Variants in CALN1 observed in about 807,000 individuals in gnomAD.
CALN1 encodes calcium-binding protein 8.
A neutral mutation model predicts 30.6 loss-of-function variants in CALN1; 17 were observed. The ratio of observed to expected loss-of-function variants is 0.56; its 90% CI spans 0.38 to 0.83. The LOEUF is 0.83. Among genes scored for constraint, CALN1 ranks in the 40% least tolerant of loss-of-function variants. The pLI, the probability that CALN1 is intolerant of heterozygous loss-of-function variation, is 0.00. For synonymous variants in CALN1, 156 were observed against 131.4 expected (o/e 1.19, Z -1.28); for missense variants, 291 against 354.9 (o/e 0.82, Z 1.45).
At chr7:72,221,728 A>G (rs1429946242) in intron 3 of CALN1, among the ~76,000 whole-genome samples, 5 of 151,850 alleles carry the variant, frequency 3.3e-5, no homozygotes, top group African/African-American at 9.7e-5. Context: ...AGTCTCTACT[A>G]AAACTACAAA....
intron 2 of CALN1, among the ~76,000 whole-genome samples, 168 bp from the exon 3 acceptor site, chr7:72,278,978 CA>C (rs1283602516): frequency 6.6e-6 from 1 of 152,172 alleles, no homozygotes; most frequent in East Asian, 1.9e-4. Flanking sequence ...ATGACCTGAG[CA>C]ATTTCCAAAG....
chr7:72,180,148 G>A (rs373163904), intron 3 of CALN1, among the ~76,000 whole-genome samples: 4 of 152,192 alleles, frequency 2.6e-5, no homozygotes, highest in Admixed American at 6.5e-5. Context: ...AGCCCACGGG[G>A]TATCATTTAG....
chr7:72,411,427 A>G (rs1807138721), intron 1 of CALN1, among the ~76,000 whole-genome samples: 1 of 152,248 alleles, frequency 6.6e-6, no homozygotes, highest in Non-Finnish European at 1.5e-5. Flanking sequence ...AGCTGTAAAT[A>G]TAACAATTTT....
At chr7:72,110,594 G>A (rs144620431) in intron 3 of CALN1, among the ~76,000 whole-genome samples, 16 of 151,398 alleles carry the variant, frequency 1.1e-4, no homozygotes, top group Admixed American at 5.3e-4. Flanking sequence ...TAGAGAATTC[G>A]TGTGTGTGTC....
At chr7:72,338,330 A>G (rs1271137871) in intron 2 of CALN1, among the ~76,000 whole-genome samples, 3 of 152,192 alleles carry the variant, frequency 2.0e-5, no homozygotes. Flanking sequence ...GAAAAGATAC[A>G]TGTGAAAAAT....
intron 5 of CALN1, among the ~76,000 whole-genome samples, chr7:71,967,081 G>T (rs945213379): frequency 6.6e-6 from 1 of 152,082 alleles, no homozygotes; most frequent in Admixed American, 6.6e-5. Context: ...TTCCAATAAC[G>T]TAGTGGATAA....
chr7:72,228,692 G>C (rs2129550412), intron 3 of CALN1, among the ~76,000 whole-genome samples: 1 of 151,790 alleles, frequency 6.6e-6, no homozygotes, highest in Admixed American at 6.6e-5. Flanking sequence ...TTAATGCAGG[G>C]CCTGGAATAC....
chr7:71,847,243 A>C (rs954928886), intron 5 of CALN1, among the ~76,000 whole-genome samples: 4 of 152,076 alleles, frequency 2.6e-5, no homozygotes, highest in African/African-American at 9.7e-5. Flanking sequence ...TGTAGCTCCC[A>C]TAATTCCCAT....
At chr7:72,281,510 T>C (rs947851088) in intron 2 of CALN1, among the ~76,000 whole-genome samples, 1 of 152,208 alleles carries the variant, frequency 6.6e-6, no homozygotes, top group Non-Finnish European at 1.5e-5. Context: ...TTCATAAACA[T>C]GGGAAGACAC....
chr7:71,978,601 T>G (rs939671952), intron 5 of CALN1, among the ~76,000 whole-genome samples: 1 of 152,220 alleles, frequency 6.6e-6, no homozygotes, highest in African/African-American at 2.4e-5. Flanking sequence ...GCCTTAGCAC[T>G]GAGGGCAGGG....
chr7:71,905,953 G>A (rs1794112890), intron 5 of CALN1, among the ~76,000 whole-genome samples: 1 of 152,112 alleles, frequency 6.6e-6, no homozygotes, highest in Admixed American at 6.5e-5. Context: ...ATGGTGGCAG[G>A]AGAGAGAAGA....
intron 3 of CALN1, among the ~76,000 whole-genome samples, chr7:72,116,685 T>C (rs529928644): frequency 5.9e-5 from 9 of 152,280 alleles, no homozygotes; most frequent in Non-Finnish European, 1.2e-4. Context: ...GCTGTTAAGA[T>C]GAGAATCTAG....
At chr7:71,977,176 C>G (rs1798141532) in intron 5 of CALN1, among the ~76,000 whole-genome samples, 1 of 152,152 alleles carries the variant, frequency 6.6e-6, no homozygotes, top group African/African-American at 2.4e-5. Context: ...CACCCTTTTG[C>G]TTGATAACAA....
At chr7:72,337,901 CAG>C (rs1373314114) in intron 2 of CALN1, 2 of 152,406 alleles carry the variant, frequency 1.3e-5, no homozygotes, top group African/African-American at 4.8e-5. Flanking sequence ...TACAAATTCG[CAG>C]ACTGTCTGCA....
At chr7:72,278,603 A>C in intron 3 of CALN1, 83 bp downstream of exon 3, 1 of 1,568,390 alleles carries the variant, frequency 6.4e-7, no homozygotes, top group Non-Finnish European at 8.7e-7. Context: ...GCCAAAGTCC[A>C]GGGCTTTCAA....
At chr7:72,331,997 A>G (rs1801711012) in intron 2 of CALN1, among the ~76,000 whole-genome samples, 1 of 152,194 alleles carries the variant, frequency 6.6e-6, no homozygotes, top group African/African-American at 2.4e-5. Context: ...AATGGCCTCC[A>G]GCTCCATCCA....
chr7:72,016,998 C>CAAAAAAAAAAAAAAAAAAAAAA lies in CALN1; in HGVS notation c.501+6658_501+6659insTTTTTTTTTTTTTTTTTTTTTT, dbSNP rs754201004. ...CAAAACCCCGTGTTTACTAAAAATA[C>CAAAAAAAAAAAAAAAAAAAAAA]AAAAAAAAAAAAAAAAAAAGCTGGG... On this transcript the variant is annotated intron_variant, in intron 5 of 6. Transcript: ENST00000395275. 1.4e-3 allele frequency among the ~76,000 whole-genome samples: 46 copies of CAAAAAAAAAAAAAAAAAAAAAA among 31,944 alleles called. 6 individuals carry two copies. Among genetic ancestry groups the CAAAAAAAAAAAAAAAAAAAAAA allele is most frequent in the African/African-American group, 3.8e-3 (25 of 6,610 alleles). The allele number at this position is 31,944 out of a possible 152,430, so 21.0% of individuals were successfully genotyped here.
intron 3 of CALN1, among the ~76,000 whole-genome samples, chr7:72,118,650 G>C (rs1356025485): frequency 6.6e-6 from 1 of 152,230 alleles, no homozygotes; most frequent in Non-Finnish European, 1.5e-5. Context: ...CAGAGATACT[G>C]AAAGCTCCAG....
At chr7:72,006,877 C>T (rs541882092) in intron 5 of CALN1, among the ~76,000 whole-genome samples, 1 of 152,252 alleles carries the variant, frequency 6.6e-6, no homozygotes, top group South Asian at 2.1e-4. Flanking sequence ...AAAATAACTT[C>T]ATAACTGGGT....
Sources: allele counts gnomAD v4.1 joint callset (sites outside exome capture counted in the v4.1 genomes callset), GRCh38; gene constraint gnomAD v4.1.1; transcripts MANE v1.5; gene names NCBI Gene and HGNC (gene_info 2026-07-23, HGNC 2026-07-21).